USP32: variants seen among roughly 807,000 people sequenced by gnomAD.
USP32 encodes ubiquitin carboxyl-terminal hydrolase 32.
Under a neutral mutation model 204.8 loss-of-function variants are expected in USP32, and 59 were observed. The ratio of observed to expected loss-of-function variants is 0.29; its 90% CI spans 0.23 to 0.36. The LOEUF is 0.36. USP32 is among the 10% of genes least tolerant of loss of function. The pLI, the probability that USP32 is intolerant of heterozygous loss-of-function variation, is 1.00. For missense variants in USP32, 1,160 were observed against 1,946.4 expected (o/e 0.60, Z 7.60); for synonymous variants, 517 against 678.4 (o/e 0.76, Z 3.70).
rs34842511 is a variant in USP32 at position 60,244,029 on chromosome 17, G to GTTT, written c.1137-7792_1137-7790dup. The stretch of plus-strand genomic sequence containing the variant: ...TTTGAATCTCAAGTAGCTGGATTGT[G>GTTT]TTTTTTTTTTTTTTTTTTTTTTTTG... On this transcript the variant is annotated intron_variant, in intron 11 of 33. Transcript: ENST00000300896. 7.2e-3 allele frequency among the ~76,000 whole-genome samples: 519 copies of GTTT among 71,714 alleles called. 15 individuals are homozygous for GTTT. Among genetic ancestry groups the GTTT allele is most frequent in the East Asian group, 8.0e-3 (18 of 2,248 alleles). 47.0% of individuals were successfully genotyped at this position (71,714 alleles called of 152,430 possible). A position where few individuals can be genotyped will look rare whatever the true frequency, so the allele number is the denominator to read the frequency against.
chr17:60,361,822 G>A (rs2089213204), intron 1 of USP32, among the ~76,000 whole-genome samples: 1 of 152,102 alleles, frequency 6.6e-6, no homozygotes, highest in Non-Finnish European at 1.5e-5. Flanking sequence ...CAGACCATCT[G>A]TAATTCAAAG....
chr17:60,350,171 C>A (rs886186833), intron 1 of USP32, among the ~76,000 whole-genome samples: 6 of 152,006 alleles, frequency 3.9e-5, no homozygotes, highest in Non-Finnish European at 2.9e-5. Flanking sequence ...CACTGCCACA[C>A]GTGGATAATT....
chr17:60,269,356 T>C, intron 7 of USP32, 94 bp downstream of exon 7: 1 of 914,904 alleles, frequency 1.1e-6, no homozygotes, highest in Non-Finnish European at 1.7e-6. Context: ...GTTATAAAAA[T>C]TCAAGCCTTA....
At chr17:60,369,945 G>A (rs755192115) in intron 1 of USP32, among the ~76,000 whole-genome samples, 1 of 152,036 alleles carries the variant, frequency 6.6e-6, no homozygotes, top group Non-Finnish European at 1.5e-5. Context: ...TCACTATGTT[G>A]CCTAGGCTAG....
At chr17:60,415,858 G>T (rs769448540) in intron 1 of USP32, among the ~76,000 whole-genome samples, 1 of 151,826 alleles carries the variant, frequency 6.6e-6, no homozygotes, top group Non-Finnish European at 1.5e-5. Context: ...TTGTTTTTTT[G>T]AGATTGAGTC....
At position 60,178,593 on chromosome 17, in the gene USP32, G is replaced by C. The variant is rs928184248; in HGVS notation, c.*662C>G. On this transcript the variant is annotated 3_prime_UTR_variant, in exon 34 of 34. Coordinates refer to ENST00000300896, the MANE Select transcript of USP32 (RefSeq NM_032582.4). ...GGTGGAAGGCACACAGCTCTTAAGA[G>C]AGCCTCCCTTTCAGACTGACCACTA... 8.5e-5 allele frequency among the ~76,000 whole-genome samples: 13 copies of C among 152,306 alleles called. No homozygotes were observed. Among genetic ancestry groups the C allele is most frequent in the African/African-American group, 2.9e-4 (12 of 41,564 alleles).
In USP32 at chr17:60,266,039, T is replaced by C; in HGVS notation, c.864A>G (p.Glu288=). ...VDRDGVLSRV[E]LRDMVVALLE... is the part of the protein sequence containing the mutation. Reference sequence around the variant, plus strand: ...AAAGTGCAACCACCATGTCTCTCAGTTCAACCCTGGAGAGAACTCCATCAC... The same window carrying C: ...AAAGTGCAACCACCATGTCTCTCAGCTCAACCCTGGAGAGAACTCCATCAC... Residue 288 remains glutamate (E), a synonymous_variant, in exon 8 of 34, where the codon GAA becomes GAG. Coordinates refer to ENST00000300896, the MANE Select transcript of USP32 (RefSeq NM_032582.4). 2 of 1,614,088 alleles carry C rather than the reference T, an allele frequency of 1.2e-6. No homozygotes were observed. The highest frequency in any genetic ancestry group is 1.7e-6 in the Non-Finnish European group (2 of 1,179,984).
intron 11 of USP32, among the ~76,000 whole-genome samples, chr17:60,245,081 T>C (rs2085979306): frequency 6.6e-6 from 1 of 152,232 alleles, no homozygotes; most frequent in Non-Finnish European, 1.5e-5. Context: ...TCATATAAGA[T>C]CGTTATATGT....
rs539774113 is a variant in USP32, at chr17:60,217,515, G to A, written c.1867+2155C>T. ...TCACCATGTTGACCAGGTTGGTCTC[G>A]AACTCCTGACCTCTGGTGATTCAGC... On this transcript the variant is annotated intron_variant, in intron 16 of 33. Transcript: ENST00000300896. Among the ~76,000 whole-genome samples the A allele has an allele frequency of 3.6e-3, 547 of 152,018 alleles. 2 individuals carry two copies. The highest frequency in any genetic ancestry group is 5.4e-3 in the Non-Finnish European group (370 of 67,970).
chr17:60,421,880 C>T, intron 1 of USP32: 1 of 985,444 alleles, frequency 1.0e-6, no homozygotes, highest in South Asian at 4.7e-5. Context: ...GACTTGCCCG[C>T]GTCTCAGCGC....
chr17:60,213,245 C>T (rs1364334671), intron 18 of USP32, among the ~76,000 whole-genome samples: 1 of 152,082 alleles, frequency 6.6e-6, no homozygotes, highest in African/African-American at 2.4e-5. Context: ...GAAAGTTGTT[C>T]TTTTTACTCA....
chr17:60,304,696 G>T (rs1224057597), intron 2 of USP32, among the ~76,000 whole-genome samples: 1 of 152,106 alleles, frequency 6.6e-6, no homozygotes, highest in Non-Finnish European at 1.5e-5. Context: ...CATAAATGTT[G>T]TCTATACACC....
intron 12 of USP32, among the ~76,000 whole-genome samples, chr17:60,231,871 G>A (rs1207482146): frequency 6.6e-6 from 1 of 152,174 alleles, no homozygotes; most frequent in Non-Finnish European, 1.5e-5. Context: ...AGCGGGGAAA[G>A]ACTGGTAAGA....
intron 5 of USP32, among the ~76,000 whole-genome samples, chr17:60,278,828 G>A (rs1217314050): frequency 1.3e-5 from 2 of 152,222 alleles, no homozygotes; most frequent in East Asian, 3.9e-4. Context: ...TACAGTATAG[G>A]GGATGGCATA....
chr17:60,273,831 G>A (rs1479363811), intron 5 of USP32, among the ~76,000 whole-genome samples: 2 of 151,658 alleles, frequency 1.3e-5, no homozygotes, highest in Non-Finnish European at 2.9e-5. Context: ...GTGGTGGCGG[G>A]TGCCTGTAGT....
chr17:60,396,133 A>C (rs1184117227), upstream of USP32, among the ~76,000 whole-genome samples: 2 of 128,362 alleles, frequency 1.6e-5, no homozygotes, highest in Non-Finnish European at 3.0e-5. Context: ...GCTGGAGTGC[A>C]GTAGCACAAT....
At chr17:60,210,986 AC>A (rs767822775) in intron 21 of USP32, 26 bp downstream of exon 21, 1 of 1,569,672 alleles carries the variant, frequency 6.4e-7, no homozygotes, top group South Asian at 1.2e-5. Context: ...GGAATTAAAT[AC>A]TTTTATATTA....
intron 2 of USP32, among the ~76,000 whole-genome samples, chr17:60,313,672 T>C (rs1055141460): frequency 2.6e-5 from 4 of 152,026 alleles, no homozygotes; most frequent in Admixed American, 6.6e-5. Flanking sequence ...ATCCAGAGCA[T>C]TGAGGAGAGA....
intron 9 of USP32, among the ~76,000 whole-genome samples, chr17:60,260,163 C>A (rs2086418077): frequency 6.6e-6 from 1 of 152,136 alleles, no homozygotes; most frequent in East Asian, 1.9e-4. Flanking sequence ...AGATAACCAT[C>A]CATCATTAGT....
Sources: gnomAD v4.1 joint callset for allele counts (sites outside exome capture counted in the v4.1 genomes callset) on GRCh38, gnomAD v4.1.1 for gene constraint, MANE v1.5 for transcripts, NCBI Gene and HGNC (gene_info 2026-07-23, HGNC 2026-07-21) for gene names.